ZSCAN2: variants seen among roughly 807,000 people sequenced by gnomAD.
The protein encoded by ZSCAN2 is zinc finger and SCAN domain-containing protein 2.
A neutral mutation model predicts 47.8 loss-of-function variants in ZSCAN2; 26 were observed. The ratio of observed to expected loss-of-function variants is 0.54; its 90% CI spans 0.40 to 0.75. The LOEUF (loss-of-function observed/expected upper bound fraction) is 0.75, where lower values mean the gene tolerates loss of function less well. ZSCAN2 is among the 30% of genes least tolerant of loss of function. ZSCAN2 has a pLI of 0.00. For missense variants in ZSCAN2, 732 were observed against 785.4 expected, an observed-to-expected ratio of 0.93 and a Z score of 0.81; for synonymous variants, 305 against 288.7, an observed-to-expected ratio of 1.06 and a Z score of -0.57.
At chr15:84,619,925 TG>T (rs111467717) in intron 2 of ZSCAN2, among the ~76,000 whole-genome samples, 82,856 of 140,520 alleles carry the variant, frequency 0.59, 24,960 homozygotes, top group East Asian at 0.78. Flanking sequence ...AAGCCTGGGT[TG>T]GTTTTTTTTT....
At chr15:84,615,274 C>T (rs1474153872) in intron 2 of ZSCAN2, among the ~76,000 whole-genome samples, 1 of 151,974 alleles carries the variant, frequency 6.6e-6, no homozygotes, top group Non-Finnish European at 1.5e-5. Flanking sequence ...AGTTCTATTG[C>T]TTTGTTTTTT....
In ZSCAN2 at chr15:84,622,951, G is replaced by T. The variant is rs899412812; in HGVS notation, c.*911G>T. On this transcript the variant is annotated 3_prime_UTR_variant, in exon 3 of 3. Transcript: ENST00000546148. The stretch of plus-strand genomic sequence containing the variant: ...GTCCTGCACACAGCAGGGTGGGTTT[G>T]TGCCTTTGGCCCAACAGGTACATAG... 1 of 439,264 alleles carries T rather than the reference G, an allele frequency of 2.3e-6. No individual in the cohort carries two copies. Among genetic ancestry groups the T allele is most frequent in the African/African-American group, 2.0e-5 (1 of 48,880 alleles). 27.2% of individuals were successfully genotyped at this position (439,264 alleles called of 1,614,324 possible).
At chr15:84,619,937 T>C (rs1895778585) in intron 2 of ZSCAN2, among the ~76,000 whole-genome samples, 1 of 151,774 alleles carries the variant, frequency 6.6e-6, no homozygotes, top group Non-Finnish European at 1.5e-5. Context: ...GTTTTTTTTT[T>C]TTTTTTTTTC....
chr15:84,611,305 A>C (rs1895541629), intron 2 of ZSCAN2, among the ~76,000 whole-genome samples: 1 of 151,414 alleles, frequency 6.6e-6, no homozygotes, highest in South Asian at 2.1e-4. Flanking sequence ...TTTTCTTTTT[A>C]ATTAGCCAGG....
chr15:84,608,174 C>T (rs1173039653), intron 2 of ZSCAN2, among the ~76,000 whole-genome samples: 8 of 152,108 alleles, frequency 5.3e-5, no homozygotes, highest in African/African-American at 1.9e-4. Flanking sequence ...ACTCCCTCTT[C>T]CTTTCCCTCT....
intron 2 of ZSCAN2, among the ~76,000 whole-genome samples, chr15:84,604,611 T>C (rs553728189): frequency 6.6e-6 from 1 of 152,170 alleles, no homozygotes; most frequent in Admixed American, 6.5e-5. Flanking sequence ...GGGAAGGTGA[T>C]GGAAGTTAAA....
Position 84,612,893 on chromosome 15 carries a change from C to T in ZSCAN2, c.407-7709C>T, listed in dbSNP as rs929154811. Among the ~76,000 whole-genome samples, 7 of 152,304 alleles carry T rather than the reference C, an allele frequency of 4.6e-5. No homozygotes were observed. The East Asian group carries it at 9.6e-4, about 21-fold the overall frequency. On this transcript the variant is annotated intron_variant, in intron 2 of 2. Transcript: ENST00000546148. ...GAAGATAGCCCCATAAATTAAGTAT[C>T]GCACTTAAAGGCTGCCAGATTTTAA...
At chr15:84,616,315 C>T in intron 2 of ZSCAN2, 2 of 1,446,372 alleles carry the variant, frequency 1.4e-6, no homozygotes, top group Non-Finnish European at 1.9e-6. Flanking sequence ...CCAGAAACAG[C>T]TTCCTGCGTA....
chr15:84,612,595 C>T (rs1198907158), intron 2 of ZSCAN2, among the ~76,000 whole-genome samples: 1 of 151,962 alleles, frequency 6.6e-6, no homozygotes, highest in Non-Finnish European at 1.5e-5. Flanking sequence ...ATTAGCCGGA[C>T]GTGGTGTCCG....
intron 2 of ZSCAN2, chr15:84,616,284 G>A (rs1428211536): frequency 1.8e-6 from 2 of 1,113,052 alleles, no homozygotes; most frequent in African/African-American, 1.5e-5. Flanking sequence ...GTGGGTCAAA[G>A]GCTCTTTCCT....
intron 2 of ZSCAN2, among the ~76,000 whole-genome samples, chr15:84,604,694 A>G (rs1261981754): frequency 2.6e-5 from 4 of 151,796 alleles, no homozygotes; most frequent in Non-Finnish European, 5.9e-5. Flanking sequence ...TTGCAATTAG[A>G]GAAAACAATC....
At chr15:84,613,089 T>C (rs1356231989) in intron 2 of ZSCAN2, among the ~76,000 whole-genome samples, 1 of 152,254 alleles carries the variant, frequency 6.6e-6, no homozygotes, top group Non-Finnish European at 1.5e-5. Flanking sequence ...TCCAGCATCA[T>C]TTATTGTATG....
Position 84,621,906 on chromosome 15 carries a change from T to C in ZSCAN2, c.1711T>C (p.Ser571Pro). Residue 571 changes from serine to proline, a missense_variant, in exon 3 of 3, where the codon TCA becomes CCA. Ser to Pro is a moderately conservative substitution (Grantham distance 74, BLOSUM62 -1). Transcript: ENST00000546148. The surrounding 1 kb of genome is among the most constrained non-coding windows in gnomAD (Gnocchi z 5.7). Reference protein sequence around the residue: ...PECGKGFSWNSVLIIHQRIHT... With the variant: ...PECGKGFSWNPVLIIHQRIHT... ...GTGTGGGAAAGGCTTTAGCTGGAAC[T>C]CAGTCCTCATTATACATCAGCGAAT... The C allele has an allele frequency of 1.2e-6, 2 of 1,614,132 alleles. No homozygotes were observed. The highest frequency in any genetic ancestry group is 1.7e-6 in the Non-Finnish European group (2 of 1,180,014).
At chr15:84,615,471 C>A (rs1175643395) in intron 2 of ZSCAN2, among the ~76,000 whole-genome samples, 1 of 152,152 alleles carries the variant, frequency 6.6e-6, no homozygotes, top group Non-Finnish European at 1.5e-5. Flanking sequence ...GCTGGGTCTA[C>A]AAGTGTGTAC....
At position 84,623,407 on chromosome 15, in the gene ZSCAN2, AAAG is replaced by A. The variant is rs1397745388; in HGVS notation, c.*1371_*1373del. Reference sequence around the variant, plus strand: ...GCACCCGGCCAAGAACATTATTTTTAAAGAAGTGTTAACTTTGAGGACATATCT... The same window carrying A: ...GCACCCGGCCAAGAACATTATTTTTAAAGTGTTAACTTTGAGGACATATCT... On this transcript the variant is annotated 3_prime_UTR_variant, in exon 3 of 3. Transcript: ENST00000546148. The A allele has an allele frequency of 1.6e-5, 3 of 188,812 alleles. No individual in the cohort carries two copies. The highest frequency in any genetic ancestry group is 3.8e-5 in the Non-Finnish European group (3 of 79,444). The allele number at this position is 188,812 out of a possible 1,614,324, so 11.7% of individuals were successfully genotyped here. A position where few individuals can be genotyped will look rare whatever the true frequency, so the allele number is the denominator to read the frequency against.
chr15:84,606,297 A>G (rs781507373), intron 2 of ZSCAN2: 1 of 478,532 alleles, frequency 2.1e-6, no homozygotes, highest in Non-Finnish European at 3.8e-6. Flanking sequence ...TTGTCTCACT[A>G]AGAATCCTGT....
At chr15:84,606,781 C>A in intron 2 of ZSCAN2, 1 of 1,351,254 alleles carries the variant, frequency 7.4e-7, no homozygotes, top group Admixed American at 3.6e-5. Flanking sequence ...AGATGGGAAC[C>A]AATGGGGACC....
intron 2 of ZSCAN2, among the ~76,000 whole-genome samples, chr15:84,618,823 C>T (rs1205515981): frequency 2.0e-5 from 3 of 152,082 alleles, no homozygotes; most frequent in Non-Finnish European, 2.9e-5. Flanking sequence ...CTTGGCCTCC[C>T]AAAGTGCTAG....
At chr15:84,616,340 G>C (rs751517345) in intron 2 of ZSCAN2, 1 of 1,595,280 alleles carries the variant, frequency 6.3e-7, no homozygotes, top group Non-Finnish European at 8.6e-7. Context: ...GCTGCCCTGT[G>C]TGATTCCAGT....
Sources: gnomAD v4.1 joint callset for allele counts (sites outside exome capture counted in the v4.1 genomes callset) on GRCh38, gnomAD v4.1.1 for gene constraint, Gnocchi (gnomAD v3.1) non-coding constraint, MANE v1.5 for transcripts, NCBI Gene and HGNC (gene_info 2026-07-23, HGNC 2026-07-21) for gene names.